The following ALDH7A1 variants were observed in gnomAD, a reference collection of about 807,000 sequenced individuals.
ALDH7A1 encodes aldehyde dehydrogenase 7 family member A1.
Under a neutral mutation model 79.9 loss-of-function variants are expected in ALDH7A1, and 63 were observed. The observed-to-expected ratio is 0.79, with a 90% CI of 0.64 to 0.97. The LOEUF (loss-of-function observed/expected upper bound fraction) is 0.97. ALDH7A1 is among the 50% of genes least tolerant of loss of function. ALDH7A1 has a pLI of 0.00. For missense variants in ALDH7A1, 627 were observed against 665.2 expected (o/e 0.94, Z 0.63); for synonymous variants, 240 against 231.2 (o/e 1.04, Z -0.34).
intron 7 of ALDH7A1, among the ~76,000 whole-genome samples, chr5:126,575,219 G>A (rs986912510): frequency 2.6e-5 from 4 of 152,090 alleles, no homozygotes; most frequent in Admixed American, 1.3e-4. Context: ...GTCAATATCT[G>A]GCATGTTTCC....
At position 126,570,832 on chromosome 5, in the gene ALDH7A1, G is replaced by C; in HGVS notation, c.723C>G (p.Asn241Lys). Reference protein sequence around the residue: ...TKIIAKVLEDNKLPGAICSLT... With the variant: ...TKIIAKVLEDKKLPGAICSLT... ...AGGAACAAATTGCACCAGGCAGCTT[G>C]TTGTCCTCCAGAACCTTGGCTATTA... Residue 241 changes from asparagine to lysine, a missense_variant, in exon 8 of 18, where the codon AAC (asparagine) becomes AAG (lysine). Transcript: ENST00000409134. 6.2e-7 allele frequency: 1 copy of C among 1,613,964 alleles called. No homozygotes were observed. The highest frequency in any genetic ancestry group is 8.5e-7 in the Non-Finnish European group (1 of 1,179,900).
chr5:126,556,089 A>C, intron 11 of ALDH7A1, 74 bp from the exon 12 acceptor site: 1 of 968,942 alleles, frequency 1.0e-6, no homozygotes, highest in South Asian at 1.3e-5. Context: ...AATTTCCTTG[A>C]TAGTTACTGA....
At chr5:126,594,489 G>T (rs1182206774) in intron 1 of ALDH7A1, 1 of 280,694 alleles carries the variant, frequency 3.6e-6, no homozygotes, top group African/African-American at 2.5e-5. Flanking sequence ...TTGTTGCTCA[G>T]GCTGGAGTGC....
chr5:126,575,853 G>C (rs1051702083), intron 6 of ALDH7A1, among the ~76,000 whole-genome samples: 1 of 152,204 alleles, frequency 6.6e-6, no homozygotes, highest in Non-Finnish European at 1.5e-5. Context: ...TTTTAGATTA[G>C]AATGTTGGAA....
At chr5:126,579,423 T>C (rs565235470) in intron 5 of ALDH7A1, among the ~76,000 whole-genome samples, 1 of 152,174 alleles carries the variant, frequency 6.6e-6, no homozygotes, top group African/African-American at 2.4e-5. Context: ...GTTTACTCCC[T>C]CATATTACTT....
chr5:126,586,297 A>C (rs1751357334), intron 3 of ALDH7A1: 1 of 152,224 alleles, frequency 6.6e-6, no homozygotes, highest in South Asian at 2.1e-4. Flanking sequence ...ATTTCCTAGC[A>C]CATGGTGTGG....
rs911556095 is a variant in ALDH7A1, at chr5:126,584,026, G to A, written c.313-14C>T. On this transcript the variant is annotated splice_polypyrimidine_tract_variant and intron_variant, in intron 3 of 17. Transcript: ENST00000409134. Reference sequence around the variant, plus strand: ...TGGAGCAGGAATCTAAGAAAAGAATGCAATTTTTGTGTCTGATTCAAAGCA... The same window carrying A: ...TGGAGCAGGAATCTAAGAAAAGAATACAATTTTTGTGTCTGATTCAAAGCA... 1.2e-6 allele frequency: 2 copies of A among 1,608,512 alleles called. No homozygotes were observed. The highest frequency in any genetic ancestry group is 1.3e-5 in the African/African-American group (1 of 74,788).
At chr5:126,554,512 A>AT (rs1750113901) in intron 12 of ALDH7A1, 119 bp from the exon 13 acceptor site, 1 of 787,000 alleles carries the variant, frequency 1.3e-6, no homozygotes, top group Non-Finnish European at 2.2e-6. Context: ...AATTGAGAAC[A>AT]TAAGTCAGCA....
chr5:126,571,379 G>A (rs1404785563), intron 7 of ALDH7A1, among the ~76,000 whole-genome samples: 1 of 151,090 alleles, frequency 6.6e-6, no homozygotes, highest in Non-Finnish European at 1.5e-5. Context: ...TCAGGAGGCT[G>A]AGGCAGGAGA....
intron 17 of ALDH7A1, among the ~76,000 whole-genome samples, chr5:126,545,969 C>T (rs887071749): frequency 5.3e-5 from 8 of 151,976 alleles, no homozygotes; most frequent in East Asian, 3.9e-4. Flanking sequence ...AAAAATTAGC[C>T]GGGTGCTGTG....
chr5:126,573,957 G>A, intron 7 of ALDH7A1, among the ~76,000 whole-genome samples: 1 of 134,756 alleles, frequency 7.4e-6, no homozygotes, highest in Non-Finnish European at 1.5e-5. Context: ...TTGAACCCAG[G>A]AAGCAGAAAC....
chr5:126,575,291 G>T (rs1217724057), intron 7 of ALDH7A1, 129 bp downstream of exon 7: 2 of 787,052 alleles, frequency 2.5e-6, no homozygotes, highest in Non-Finnish European at 4.1e-6. Flanking sequence ...AATATTACAA[G>T]CAAAGGAGAA....
intron 4 of ALDH7A1, 93 bp downstream of exon 4, chr5:126,583,837 CAA>C (rs199930619): frequency 1.5e-4 from 130 of 894,216 alleles, no homozygotes; most frequent in Middle Eastern, 2.4e-4. Context: ...GACTCCATCT[CAA>C]AAAAAAAAAA....
At chr5:126,579,478 C>T (rs1751097013) in intron 5 of ALDH7A1, among the ~76,000 whole-genome samples, 1 of 152,134 alleles carries the variant, frequency 6.6e-6, no homozygotes, top group African/African-American at 2.4e-5. Context: ...TTATTTATCT[C>T]CCACTCTAAG....
At chr5:126,585,041 A>G (rs1751313476) in intron 3 of ALDH7A1, among the ~76,000 whole-genome samples, 1 of 152,126 alleles carries the variant, frequency 6.6e-6, no homozygotes, top group African/African-American at 2.4e-5. Context: ...GCTCACGTCT[A>G]TAATCCCAGC....
At chr5:126,565,382 G>A (rs1353743456) in intron 9 of ALDH7A1, among the ~76,000 whole-genome samples, 3 of 115,612 alleles carry the variant, frequency 2.6e-5, no homozygotes, top group African/African-American at 1.0e-4. Flanking sequence ...AACAGAGCGT[G>A]AGATTCCATC....
rs1064794240 is a variant in ALDH7A1 at position 126,561,093 on chromosome 5, ATT to A, written c.901_902del (p.Asn301CysfsTer6). On this transcript the variant is annotated frameshift_variant, in exon 10 of 18. Coordinates refer to ENST00000409134, the MANE Select transcript of ALDH7A1 (RefSeq NM_001182.5). LOFTEE classifies it high-confidence loss of function. ...GRSLLELGGN[N>X]AIIAFEDADL... Reference sequence around the variant, plus strand: ...AAGAGGCAGCCTTACCAATAATGGCATTGTTTCCTCCAAGTTCCAACAGACTT... The same window carrying A: ...AAGAGGCAGCCTTACCAATAATGGCAGTTTCCTCCAAGTTCCAACAGACTT... 1.9e-6 allele frequency: 3 copies of A among 1,613,330 alleles called. No individual in the cohort carries two copies. The highest frequency in any genetic ancestry group is 3.3e-5 in the Admixed American group (2 of 60,010).
Position 126,577,123 on chromosome 5 carries a change from A to G in ALDH7A1, c.606T>C (p.Gly202=), listed in dbSNP as rs1438903755. ...AGATCATGGCGATGGCGTTGTTCCA[A>G]CCATACACTGCCACAGGGAAATTGA... ...TAFNFPVAVY[G]WNNAIAMICG... is the part of the protein sequence containing the mutation. Residue 202 remains glycine (G), a synonymous_variant, in exon 6 of 18, where the codon GGT becomes GGC. Coordinates refer to ENST00000409134, the MANE Select transcript of ALDH7A1 (RefSeq NM_001182.5). 6.2e-7 allele frequency: 1 copy of G among 1,613,990 alleles called. No homozygotes were observed. Among genetic ancestry groups the G allele is most frequent in the African/African-American group, 1.3e-5 (1 of 74,890 alleles).
chr5:126,560,992 C>A (rs201477865), intron 10 of ALDH7A1, 91 bp downstream of exon 10: 3 of 1,433,822 alleles, frequency 2.1e-6, no homozygotes, highest in Admixed American at 1.7e-5. Flanking sequence ...GCAACATGGA[C>A]GAAATGAGAT....
Sources: gnomAD v4.1 joint callset for allele counts (sites outside exome capture counted in the v4.1 genomes callset) on GRCh38, gnomAD v4.1.1 for gene constraint, MANE v1.5 for transcripts, NCBI Gene and HGNC (gene_info 2026-07-23, HGNC 2026-07-21) for gene names.